ZNF174: variants seen among roughly 807,000 people sequenced by gnomAD.
ZNF174 encodes the protein zinc finger protein 174.
A neutral mutation model predicts 38.7 loss-of-function variants in ZNF174; 30 were observed. The observed-to-expected ratio is 0.78, with a 90% CI of 0.58 to 1.05. The LOEUF (loss-of-function observed/expected upper bound fraction) is 1.05, where lower values mean the gene tolerates loss of function less well. Ranked by LOEUF, ZNF174 falls within the 50% of genes least tolerant of loss-of-function variation. The pLI is 0.00. For synonymous variants in ZNF174, 201 were observed against 181.7 expected, an observed-to-expected ratio of 1.11 and a Z score of -0.86; for missense variants, 499 against 495.6, an observed-to-expected ratio of 1.01 and a Z score of -0.06.
chr16:3,402,452 T>C lies in ZNF174; in HGVS notation c.402+46T>C, dbSNP rs1188892007. ...TCATCCTGGGGATTTCTTTTTCTTT[T>C]CTTTTTTTTTTTTTTTCTTTTTTTG... is the stretch of plus-strand genomic sequence containing the variant. On this transcript the variant is annotated intron_variant, in intron 1 of 2. Coordinates refer to ENST00000268655, the MANE Select transcript of ZNF174 (RefSeq NM_003450.3). 12 of 1,405,026 alleles carry C rather than the reference T, an allele frequency of 8.5e-6. No individual in the cohort carries two copies. In the African/African-American group the frequency reaches 1.1e-4, roughly 13 times the overall value. 87.0% of individuals were successfully genotyped at this position (1,405,026 alleles called of 1,614,324 possible). A position where few individuals can be genotyped will look rare whatever the true frequency, so the allele number is the denominator to read the frequency against.
chr16:3,408,812 C>T lies in ZNF174; in HGVS notation c.1117C>T (p.Gln373Ter). ...GCGGCAGTCAACCCTGAAGCTGCAC[C>T]AGAGGATCCACACTGGAGAGAAGCC... The part of the protein sequence containing the change: ...FGRQSTLKLH[Q>*]RIHTGEKPYQ... The change falls in exon 3 of 3, where the codon CAG (glutamine) becomes TAG (stop). Residue 373 changes from glutamine (Q) to a stop codon, truncating the protein, a stop_gained. Coordinates refer to ENST00000268655, the MANE Select transcript of ZNF174 (RefSeq NM_003450.3). LOFTEE classifies it high-confidence loss of function. 2 of 1,613,834 alleles carry T rather than the reference C, an allele frequency of 1.2e-6. No individual in the cohort carries two copies. The highest frequency in any genetic ancestry group is 1.7e-6 in the Non-Finnish European group (2 of 1,179,984).
Position 3,408,969 on chromosome 16 carries a change from C to T in ZNF174, c.*50C>T, listed in dbSNP as rs1402688036. 2.0e-6 allele frequency: 3 copies of T among 1,495,226 alleles called. No homozygotes were observed. Among genetic ancestry groups the T allele is most frequent in the Non-Finnish European group, 2.7e-6 (3 of 1,106,574 alleles). The allele number at this position is 1,495,226 out of a possible 1,614,324, so 92.6% of individuals were successfully genotyped here. On this transcript the variant is annotated 3_prime_UTR_variant, in exon 3 of 3. Coordinates refer to ENST00000268655, the MANE Select transcript of ZNF174 (RefSeq NM_003450.3). Reference sequence around the variant, plus strand: ...CACACGGAAGGTGTTTGTGTTTCTCCTCCCCCTTACTTGCATGTAAATCAC... The same window carrying T: ...CACACGGAAGGTGTTTGTGTTTCTCTTCCCCCTTACTTGCATGTAAATCAC...
At chr16:3,403,323 C>T (rs2033992690) in intron 1 of ZNF174, among the ~76,000 whole-genome samples, 1 of 151,346 alleles carries the variant, frequency 6.6e-6, no homozygotes, top group Non-Finnish European at 1.5e-5. Flanking sequence ...GTGCCTGCCA[C>T]CACGCCCAGC....
rs1204808592 is a variant in ZNF174, at chr16:3,402,388, C to G, written c.384C>G (p.Ser128=). 15 of 1,613,600 alleles carry G rather than the reference C, an allele frequency of 9.3e-6. No individual in the cohort carries two copies. The highest frequency in any genetic ancestry group is 1.2e-5 in the Non-Finnish European group (14 of 1,179,926). Residue 128 remains serine, a synonymous_variant, in exon 1 of 3, where the codon TCC becomes TCG. Transcript: ENST00000268655. ...VTLVEDFHRA[S]KKPKQWVAVC... ...TCGTGGAAGATTTTCACAGAGCATC[C>G]AAGAAACCAAAGCAGTGGGTAAGGA...
intron 2 of ZNF174, among the ~76,000 whole-genome samples, chr16:3,406,613 C>T (rs2034059503): frequency 6.6e-6 from 1 of 152,162 alleles, no homozygotes; most frequent in Admixed American, 6.5e-5. Flanking sequence ...ATCCTTTGGT[C>T]ATTTTTAAAT....
At chr16:3,403,591 C>T (rs563652911) in intron 1 of ZNF174, among the ~76,000 whole-genome samples, 21 of 151,450 alleles carry the variant, frequency 1.4e-4, no homozygotes, top group African/African-American at 5.1e-4. Flanking sequence ...CTCAAGTGTT[C>T]CTCACACCTC....
At chr16:3,404,112 A>G (rs555316429) in intron 1 of ZNF174, among the ~76,000 whole-genome samples, 2 of 152,266 alleles carry the variant, frequency 1.3e-5, no homozygotes, top group Admixed American at 6.5e-5. Flanking sequence ...TGTGTAGAGT[A>G]GGCATCTGAT....
intron 1 of ZNF174, among the ~76,000 whole-genome samples, chr16:3,404,016 A>T (rs891435165): frequency 1.3e-5 from 2 of 152,200 alleles, no homozygotes; most frequent in Non-Finnish European, 2.9e-5. Flanking sequence ...ACAATGTATT[A>T]GGTAAGAAGG....
At chr16:3,407,200 T>C (rs1490839368) in intron 2 of ZNF174, among the ~76,000 whole-genome samples, 2 of 152,192 alleles carry the variant, frequency 1.3e-5, no homozygotes, top group African/African-American at 2.4e-5. Flanking sequence ...TCTCTTGGGT[T>C]TCTTTTATAA....
chr16:3,401,513 C>T lies in ZNF174; in HGVS notation c.-492C>T, dbSNP rs1430779533. On this transcript the variant is annotated 5_prime_UTR_variant, in exon 1 of 3. Transcript: ENST00000268655. ...AGGAGGCTGTTCGCTACCTCACACCCCCGGCTGGCGCTGTGGCCTCGCTTA... is the reference window on the plus strand; with the variant it reads ...AGGAGGCTGTTCGCTACCTCACACCTCCGGCTGGCGCTGTGGCCTCGCTTA... 1.3e-5 allele frequency: 2 copies of T among 154,596 alleles called. No homozygotes were observed. Among genetic ancestry groups the T allele is most frequent in the African/African-American group, 2.4e-5 (1 of 41,460 alleles). The allele number at this position is 154,596 out of a possible 1,614,324, so 9.6% of individuals were successfully genotyped here.
At chr16:3,403,150 C>G (rs1394247040) in intron 1 of ZNF174, among the ~76,000 whole-genome samples, 11 of 30,936 alleles carry the variant, frequency 3.6e-4, no homozygotes, top group South Asian at 3.1e-3. Context: ...AGCTTATAGT[C>G]TTTTTTTTTT....
intron 2 of ZNF174, among the ~76,000 whole-genome samples, chr16:3,405,794 C>G (rs2034047433): frequency 6.6e-6 from 1 of 152,130 alleles, no homozygotes; most frequent in South Asian, 2.1e-4. Flanking sequence ...ATCACTTAGG[C>G]TCAGGAGTTC....
chr16:3,404,359 CA>C, intron 1 of ZNF174, 66 bp from the exon 2 acceptor site: 1 of 1,474,930 alleles, frequency 6.8e-7, no homozygotes, highest in South Asian at 1.3e-5. Context: ...GGTCATTATA[CA>C]ACAGTGAGAG....
rs769106589 is a variant in ZNF174, at chr16:3,402,162, G to A, written c.158G>A (p.Cys53Tyr). 5 of 1,613,106 alleles carry A rather than the reference G, an allele frequency of 3.1e-6. No homozygotes were observed. Among genetic ancestry groups the A allele is most frequent in the Non-Finnish European group, 4.2e-6 (5 of 1,179,178 alleles). Residue 53 changes from cysteine (C) to tyrosine (Y), a missense_variant, in exon 1 of 3, where the codon TGT becomes TAT. By Grantham distance (194) the Cys-to-Tyr change is radical. Coordinates refer to ENST00000268655, the MANE Select transcript of ZNF174 (RefSeq NM_003450.3). Reference protein sequence around the residue: ...ELCRQSFRRFCYQEVSGPQEA... With the variant: ...ELCRQSFRRFYYQEVSGPQEA... ...TGCCGCCAGAGCTTCAGACGCTTTT[G>A]TTATCAAGAGGTGTCTGGACCCCAA...
intron 1 of ZNF174, among the ~76,000 whole-genome samples, chr16:3,403,583 C>G (rs1453433782): frequency 6.6e-6 from 1 of 151,590 alleles, no homozygotes; most frequent in Non-Finnish European, 1.5e-5. Context: ...ATGTCCAGCT[C>G]AAGTGTTCCT....
At chr16:3,402,534 C>T in intron 1 of ZNF174, 128 bp downstream of exon 1, 1 of 939,610 alleles carries the variant, frequency 1.1e-6, no homozygotes, top group Non-Finnish European at 1.5e-6. Flanking sequence ...TCTCGGCTCA[C>T]TGCAAGCTCC....
chr16:3,407,273 C>G (rs1262703790), intron 2 of ZNF174, among the ~76,000 whole-genome samples: 1 of 152,134 alleles, frequency 6.6e-6, no homozygotes, highest in Non-Finnish European at 1.5e-5. Context: ...AGATGCCCCA[C>G]CTCCCAAGAC....
chr16:3,404,458 C>G lies in ZNF174; in HGVS notation c.435C>G (p.Leu145=). 1 of 1,610,036 alleles carries G rather than the reference C, an allele frequency of 6.2e-7. No homozygotes were observed. The highest frequency in any genetic ancestry group is 8.5e-7 in the Non-Finnish European group (1 of 1,176,780). The change falls in exon 2 of 3, where the codon CTC becomes CTG. Residue 145 remains leucine, a synonymous_variant. Transcript: ENST00000268655. ...VAVCMQGQKV[L]LEKTGSQLGE... ...TTTGTATGCAGGGGCAAAAGGTGCT[C>G]TTGGAGAAAACTGGATCTCAGCTTG...
Position 3,404,510 on chromosome 16 carries a change from C to A in ZNF174, c.487C>A (p.Pro163Thr). The A allele has an allele frequency of 6.2e-7, 1 of 1,613,906 alleles. No individual in the cohort carries two copies. The highest frequency in any genetic ancestry group is 8.5e-7 in the Non-Finnish European group (1 of 1,179,762). The part of the protein sequence containing the change: ...LGEQELPDFQ[P>T]QTPRRDLRES... ...AGAACAGGAACTGCCAGACTTTCAA[C>A]CGCAGACTCCTAGGAGAGATCTCAG... Residue 163 changes from proline (P) to threonine (T), a missense_variant, in exon 2 of 3, where the codon CCG becomes ACG. Transcript: ENST00000268655.
Sources: gnomAD v4.1 joint callset for allele counts (sites outside exome capture counted in the v4.1 genomes callset) on GRCh38, gnomAD v4.1.1 for gene constraint, MANE v1.5 for transcripts, NCBI Gene and HGNC (gene_info 2026-07-23, HGNC 2026-07-21) for gene names.